SGCG: variants seen among roughly 807,000 people sequenced by gnomAD.
SGCG encodes gamma-sarcoglycan.
A neutral mutation model predicts 29.3 loss-of-function variants in SGCG; 26 were observed. That is an observed-to-expected ratio of 0.89 (90% confidence interval 0.65 to 1.23). SGCG has a LOEUF of 1.23. Among genes scored for constraint, SGCG ranks in the 50% most tolerant of loss-of-function variants. The pLI, the probability that SGCG is intolerant of heterozygous loss-of-function variation, is 0.00. For synonymous variants in SGCG, 145 were observed against 129.7 expected (o/e 1.12, Z -0.80); for missense variants, 353 against 356.0 (o/e 0.99, Z 0.07).
rs186757600 is a variant in SGCG, at chr13:23,199,260, T to A, written c.1-4435T>A. On this transcript the variant is annotated intron_variant, in intron 1 of 7. Transcript: ENST00000218867. ...ATACATTAAAAATTAGAATTATTTATCTTGGAATATAGATTTTAAGTTCTA... is the reference window on the plus strand; with the variant it reads ...ATACATTAAAAATTAGAATTATTTAACTTGGAATATAGATTTTAAGTTCTA... Among the ~76,000 whole-genome samples, 384 of 152,366 alleles carry A rather than the reference T, an allele frequency of 2.5e-3. 3 individuals carry two copies. Among genetic ancestry groups the A allele is most frequent in the African/African-American group, 7.8e-3 (323 of 41,576 alleles).
intron 3 of SGCG, among the ~76,000 whole-genome samples, chr13:23,247,378 G>A (rs780866026): frequency 2.0e-5 from 3 of 152,140 alleles, no homozygotes; most frequent in Admixed American, 6.5e-5. Context: ...GTAGGGTGGG[G>A]TACAATGGGA....
chr13:23,275,691 GT>G (rs1304480227), intron 4 of SGCG, among the ~76,000 whole-genome samples: 8 of 152,148 alleles, frequency 5.3e-5, no homozygotes, highest in Non-Finnish European at 1.0e-4. Context: ...TTTAACACAA[GT>G]AAAGGTCATT....
At chr13:23,188,890 C>T (rs367988834) in intron 1 of SGCG, among the ~76,000 whole-genome samples, 3 of 152,266 alleles carry the variant, frequency 2.0e-5, no homozygotes, top group African/African-American at 7.2e-5. Flanking sequence ...AGCAAGGATG[C>T]CTCCCCCGGC....
chr13:23,220,911 C>T (rs1593180678), intron 2 of SGCG, among the ~76,000 whole-genome samples: 1 of 152,292 alleles, frequency 6.6e-6, no homozygotes, highest in African/African-American at 2.4e-5. Flanking sequence ...AACCTTCCCG[C>T]TAAATCCTAG....
chr13:23,201,243 A>C (rs1276300720), intron 1 of SGCG, among the ~76,000 whole-genome samples: 1 of 152,106 alleles, frequency 6.6e-6, no homozygotes, highest in Non-Finnish European at 1.5e-5. Flanking sequence ...TCTTAAATGG[A>C]TACTGAAGTT....
At chr13:23,225,792 C>CACACACACACAG (rs989156025) in intron 2 of SGCG, among the ~76,000 whole-genome samples, 19 of 151,896 alleles carry the variant, frequency 1.3e-4, no homozygotes, top group African/African-American at 4.6e-4. Flanking sequence ...CACACACACA[C>CACACACACACAG]ACACACACAC....
At chr13:23,202,575 T>C (rs1188470961) in intron 1 of SGCG, among the ~76,000 whole-genome samples, 2 of 152,160 alleles carry the variant, frequency 1.3e-5, no homozygotes, top group Non-Finnish European at 2.9e-5. Flanking sequence ...AGTCAATGAA[T>C]AATGTGCTTA....
At chr13:23,275,946 A>C (rs891132334) in intron 4 of SGCG, among the ~76,000 whole-genome samples, 1 of 152,230 alleles carries the variant, frequency 6.6e-6, no homozygotes, top group African/African-American at 2.4e-5. Context: ...CATTGTATAT[A>C]AGGAAGAATT....
chr13:23,304,699 G>A (rs991970244), intron 6 of SGCG, among the ~76,000 whole-genome samples: 1 of 152,102 alleles, frequency 6.6e-6, no homozygotes, highest in African/African-American at 2.4e-5. Context: ...TGCCTCCTGG[G>A]TTCAAGCGAT....
intron 1 of SGCG, among the ~76,000 whole-genome samples, chr13:23,199,510 T>C (rs1218139469): frequency 2.6e-5 from 4 of 152,198 alleles, no homozygotes; most frequent in Non-Finnish European, 4.4e-5. Flanking sequence ...TGGCAAAAAT[T>C]TAATATAGTG....
Position 23,197,726 on chromosome 13 carries a change from G to A in SGCG, c.1-5969G>A, listed in dbSNP as rs151159355. Among the ~76,000 whole-genome samples, 38 of 123,328 alleles carry A rather than the reference G, an allele frequency of 3.1e-4. No individual in the cohort carries two copies. The East Asian group carries it at 8.0e-3, about 26-fold the overall frequency. The allele number at this position is 123,328 out of a possible 152,430, so 80.9% of individuals were successfully genotyped here. A position where few individuals can be genotyped will look rare whatever the true frequency, so the allele number is the denominator to read the frequency against. On this transcript the variant is annotated intron_variant, in intron 1 of 7. Transcript: ENST00000218867. ...AAAAACATGACTGGTGAATGAGGAGGTCTAAATATATCTTAATTGAAGCCC... is the reference window on the plus strand; with the variant it reads ...AAAAACATGACTGGTGAATGAGGAGATCTAAATATATCTTAATTGAAGCCC...
At chr13:23,317,842 T>C (rs1281756546) in intron 6 of SGCG, among the ~76,000 whole-genome samples, 4 of 152,104 alleles carry the variant, frequency 2.6e-5, no homozygotes, top group Admixed American at 6.5e-5. Flanking sequence ...GTCAACTCGA[T>C]TGGATTAAAA....
chr13:23,201,964 C>T (rs1427230278), intron 1 of SGCG, among the ~76,000 whole-genome samples: 3 of 152,164 alleles, frequency 2.0e-5, no homozygotes, highest in Non-Finnish European at 4.4e-5. Flanking sequence ...TTGAGAGTGA[C>T]TGCGTGTCCA....
intron 3 of SGCG, chr13:23,243,977 G>T (rs1274490141): frequency 2.0e-5 from 3 of 151,952 alleles, no homozygotes; most frequent in African/African-American, 7.3e-5. Flanking sequence ...GCTAGTTGGA[G>T]AATTTCTGAC....
At chr13:23,180,016 C>A, upstream of SGCG, among the ~76,000 whole-genome samples, 1 of 152,046 alleles carries the variant, frequency 6.6e-6, no homozygotes, top group Non-Finnish European at 1.5e-5. Context: ...TTTTCCGAAC[C>A]CCACCTTTCT....
intron 1 of SGCG, among the ~76,000 whole-genome samples, chr13:23,188,498 T>G (rs200138803): frequency 0.018 from 1,465 of 79,778 alleles, 24 homozygotes; most frequent in Admixed American, 0.041. Context: ...TTTTTTTTTT[T>G]TTTTGGGACA....
rs60718653 is a variant in SGCG at position 23,225,780 on chromosome 13, T to TACAC, written c.196-8806_196-8803dup. Among the ~76,000 whole-genome samples the TACAC allele has an allele frequency of 1.4e-3, 212 of 148,654 alleles. 1 individual carries two copies. The highest frequency in any genetic ancestry group is 4.5e-3 in the African/African-American group (179 of 40,028). The stretch of plus-strand genomic sequence containing the variant: ...CCAGGCCCTCTGAGAGGACATGTCA[T>TACAC]ACACACACACACACACACACACACA... On this transcript the variant is annotated intron_variant, in intron 2 of 7. Coordinates refer to ENST00000218867, the MANE Select transcript of SGCG (RefSeq NM_000231.3).
chr13:23,222,476 T>G (rs1878708796), intron 2 of SGCG, among the ~76,000 whole-genome samples: 1 of 151,240 alleles, frequency 6.6e-6, no homozygotes, highest in East Asian at 2.0e-4. Context: ...TATAGGTATC[T>G]AATTCAATCA....
chr13:23,285,480 G>C, intron 5 of SGCG, among the ~76,000 whole-genome samples: 1 of 152,192 alleles, frequency 6.6e-6, no homozygotes, highest in Non-Finnish European at 1.5e-5. Context: ...AAGTGTCCCA[G>C]GTCAACTTTA....
Sources: gnomAD v4.1 joint callset for allele counts (sites outside exome capture counted in the v4.1 genomes callset) on GRCh38, gnomAD v4.1.1 for gene constraint, MANE v1.5 for transcripts, NCBI Gene and HGNC (gene_info 2026-07-23, HGNC 2026-07-21) for gene names.